The following TMC7 variants were observed in gnomAD, a reference collection of about 807,000 sequenced individuals.
The protein encoded by TMC7 is transmembrane channel like 7, also known as transmembrane channel-like protein 7.
Under a neutral mutation model 82.9 loss-of-function variants are expected in TMC7, and 54 were observed. That is an observed-to-expected ratio of 0.65 (90% CI 0.52 to 0.82). The LOEUF (loss-of-function observed/expected upper bound fraction) is 0.82. TMC7 is among the 40% of genes least tolerant of loss of function. TMC7 has a pLI of 0.00. For missense variants in TMC7, 820 were observed against 901.2 expected, an observed-to-expected ratio of 0.91 and a Z score of 1.15; for synonymous variants, 350 against 337.9, an observed-to-expected ratio of 1.04 and a Z score of -0.39.
intron 1 of TMC7, among the ~76,000 whole-genome samples, chr16:18,990,783 A>T (rs2038937687): frequency 6.6e-6 from 1 of 152,178 alleles, no homozygotes; most frequent in African/African-American, 2.4e-5. Context: ...GGGAGATTAT[A>T]AAGAACCTTC....
Position 19,035,656 on chromosome 16 carries a change from T to C in TMC7, c.858-20T>C, listed in dbSNP as rs1960710908. 6.2e-7 allele frequency: 1 copy of C among 1,613,930 alleles called. No individual in the cohort carries two copies. Among genetic ancestry groups the C allele is most frequent in the Non-Finnish European group, 8.5e-7 (1 of 1,179,982 alleles). ...TTTGCTGTTGTTTCTATAAGAAGGA[T>C]GATTGTGTTTTGGGGTCAGGTCGGT... is the stretch of plus-strand genomic sequence containing the variant. On this transcript the variant is annotated intron_variant, in intron 6 of 15. Transcript: ENST00000304381.
intron 6 of TMC7, among the ~76,000 whole-genome samples, chr16:19,033,991 C>G (rs142517847): frequency 1.2e-3 from 181 of 152,316 alleles, no homozygotes; most frequent in African/African-American, 4.2e-3. Flanking sequence ...CTACAGAGGA[C>G]TGTGCATGGC....
At chr16:19,058,679 A>C (rs1961875135) in intron 14 of TMC7, among the ~76,000 whole-genome samples, 1 of 152,192 alleles carries the variant, frequency 6.6e-6, no homozygotes, top group Non-Finnish European at 1.5e-5. Flanking sequence ...GCTGTTTCTT[A>C]TACCCTCTGC....
At chr16:19,056,823 TC>T in intron 14 of TMC7, 126 bp downstream of exon 14, 4 of 1,139,938 alleles carry the variant, frequency 3.5e-6, no homozygotes, top group Non-Finnish European at 5.0e-6. Context: ...CACTTTCCCA[TC>T]TCTAAAATGG....
intron 14 of TMC7, among the ~76,000 whole-genome samples, chr16:19,058,510 G>A (rs1051543634): frequency 3.3e-5 from 5 of 152,152 alleles, no homozygotes; most frequent in East Asian, 1.9e-4. Flanking sequence ...GATCATCCAC[G>A]TGTTAATTAC....
intron 12 of TMC7, among the ~76,000 whole-genome samples, chr16:19,049,383 A>G (rs1341772453): frequency 6.6e-6 from 1 of 152,174 alleles, no homozygotes; most frequent in Non-Finnish European, 1.5e-5. Context: ...CCAAGGTCAC[A>G]CAGCTTTTAA....
At chr16:19,024,809 A>G (rs558406954) in intron 5 of TMC7, among the ~76,000 whole-genome samples, 5 of 152,188 alleles carry the variant, frequency 3.3e-5, no homozygotes, top group African/African-American at 9.6e-5. Context: ...GATCGAGACC[A>G]TCCTGGCTAA....
intron 1 of TMC7, among the ~76,000 whole-genome samples, chr16:18,989,198 C>T (rs1048110515): frequency 6.6e-6 from 1 of 152,194 alleles, no homozygotes; most frequent in African/African-American, 2.4e-5. Context: ...GCCCATTCGT[C>T]CAGGTCATTC....
chr16:19,025,096 A>G (rs1255054634), intron 5 of TMC7, among the ~76,000 whole-genome samples: 1 of 150,568 alleles, frequency 6.6e-6, no homozygotes, highest in Non-Finnish European at 1.5e-5. Context: ...GTGTAGAGCT[A>G]TCTGGTGCAC....
intron 9 of TMC7, 21 bp from the exon 10 acceptor site, chr16:19,044,863 T>G (rs1316703937): frequency 6.5e-7 from 1 of 1,532,050 alleles, no homozygotes; most frequent in East Asian, 2.6e-5. Context: ...CTTCCCATCC[T>G]CTCTCCTTCT....
At chr16:18,986,365 A>G (rs1267133496) in intron 1 of TMC7, among the ~76,000 whole-genome samples, 1 of 146,632 alleles carries the variant, frequency 6.8e-6, no homozygotes, top group East Asian at 2.0e-4. Context: ...ACTGCACTCC[A>G]GCCTGGGTGA....
chr16:19,035,810 G>A lies in TMC7; in HGVS notation c.992G>A (p.Arg331Gln), dbSNP rs764709785. The change falls in exon 7 of 16, where the codon CGG becomes CAG. Residue 331 changes from arginine (R) to glutamine (Q), a missense_variant. Coordinates refer to ENST00000304381, the MANE Select transcript of TMC7 (RefSeq NM_024847.4). ...SMADLKHSSL[R>Q]YELRADLEEE... ...GCGGATCTGAAGCACAGCAGCTTGC[G>A]GTACGAGCTCCGAGTGAGTGCTCCT... 1.4e-5 allele frequency: 23 copies of A among 1,593,456 alleles called. No homozygotes were observed. The highest frequency in any genetic ancestry group is 2.7e-5 in the African/African-American group (2 of 74,524).
intron 2 of TMC7, among the ~76,000 whole-genome samples, chr16:19,011,904 G>T (rs756026089): frequency 5.0e-4 from 76 of 152,234 alleles, no homozygotes; most frequent in African/African-American, 1.8e-3. Context: ...CACTTTGGGA[G>T]GCTGAGGCAG....
At chr16:19,022,185 TC>T (rs1960011020) in intron 4 of TMC7, among the ~76,000 whole-genome samples, 1 of 152,054 alleles carries the variant, frequency 6.6e-6, no homozygotes, top group Admixed American at 6.6e-5. Flanking sequence ...AAAAGACATA[TC>T]CCCAGATGTG....
chr16:19,024,407 C>A (rs1408302389), intron 5 of TMC7, among the ~76,000 whole-genome samples: 4 of 152,086 alleles, frequency 2.6e-5, no homozygotes, highest in African/African-American at 9.6e-5. Context: ...GGCAACAGAG[C>A]AAGACCCCAT....
At chr16:19,008,164 G>C (rs2039274374) in intron 1 of TMC7, among the ~76,000 whole-genome samples, 1 of 152,132 alleles carries the variant, frequency 6.6e-6, no homozygotes, top group Non-Finnish European at 1.5e-5. Context: ...AGTCCTGTCT[G>C]TCTCCACTCA....
chr16:19,041,234 C>T (rs968873452), intron 9 of TMC7, among the ~76,000 whole-genome samples: 2 of 151,884 alleles, frequency 1.3e-5, no homozygotes, highest in African/African-American at 4.8e-5. Flanking sequence ...TAATGATCCC[C>T]ATATGCCTTT....
At chr16:19,011,424 C>A (rs1036214231) in intron 2 of TMC7, among the ~76,000 whole-genome samples, 13 of 151,806 alleles carry the variant, frequency 8.6e-5, no homozygotes, top group Non-Finnish European at 1.8e-4. Context: ...ATCACAGCAA[C>A]TTGAGAGGCT....
At chr16:19,020,024 T>C (rs1959888968) in intron 3 of TMC7, among the ~76,000 whole-genome samples, 1 of 152,188 alleles carries the variant, frequency 6.6e-6, no homozygotes, top group Non-Finnish European at 1.5e-5. Context: ...AATTTAATCA[T>C]TATCTAGCGG....
Sources: gnomAD v4.1 joint callset for allele counts (sites outside exome capture counted in the v4.1 genomes callset) on GRCh38, gnomAD v4.1.1 for gene constraint, MANE v1.5 for transcripts, NCBI Gene and HGNC (gene_info 2026-07-23, HGNC 2026-07-21) for gene names.